The following PCDH17 variants were observed in gnomAD, a reference collection of about 807,000 sequenced individuals.
PCDH17 encodes the protein protocadherin-17.
A neutral mutation model predicts 67.7 loss-of-function variants in PCDH17; 21 were observed. That is an observed-to-expected ratio of 0.31 (90% confidence interval 0.22 to 0.45). The LOEUF is 0.45. PCDH17 is among the 20% of genes least tolerant of loss of function. PCDH17 has a pLI of 1.00. For synonymous variants in PCDH17, 701 were observed against 656.7 expected, an observed-to-expected ratio of 1.07 and a Z score of -1.03; for missense variants, 1,471 against 1,564.8, an observed-to-expected ratio of 0.94 and a Z score of 1.01.
At chr13:57,701,595 A>G (rs867766477) in intron 3 of PCDH17, among the ~76,000 whole-genome samples, 2 of 152,060 alleles carry the variant, frequency 1.3e-5, no homozygotes, top group Non-Finnish European at 2.9e-5. Context: ...TAATGCTTAC[A>G]ATTATTTTTC....
chr13:57,662,653 G>GT (rs1300144892), intron 1 of PCDH17, among the ~76,000 whole-genome samples: 4 of 152,076 alleles, frequency 2.6e-5, no homozygotes, highest in Non-Finnish European at 5.9e-5. Flanking sequence ...TTTCAGACAA[G>GT]TTTTTTAAGA....
intron 3 of PCDH17, among the ~76,000 whole-genome samples, chr13:57,722,424 A>G (rs1243891780): frequency 6.6e-6 from 1 of 152,176 alleles, no homozygotes; most frequent in Non-Finnish European, 1.5e-5. Flanking sequence ...AATAGATTGT[A>G]AAGTTTTCTA....
intron 3 of PCDH17, among the ~76,000 whole-genome samples, chr13:57,719,462 T>A (rs947856176): frequency 6.6e-6 from 1 of 151,882 alleles, no homozygotes; most frequent in Admixed American, 6.6e-5. Flanking sequence ...GAAAAGAAAA[T>A]CAGAGGCAAA....
chr13:57,722,220 T>C (rs1955877347), intron 3 of PCDH17, among the ~76,000 whole-genome samples: 1 of 152,012 alleles, frequency 6.6e-6, no homozygotes, highest in African/African-American at 2.4e-5. Context: ...ACGTCTGCAT[T>C]ATTCTTTCTT....
chr13:57,709,439 G>T (rs1327569608), intron 3 of PCDH17, among the ~76,000 whole-genome samples: 1 of 151,516 alleles, frequency 6.6e-6, no homozygotes, highest in Non-Finnish European at 1.5e-5. Context: ...ACTTTGCACT[G>T]TTTTCATCTC....
chr13:57,632,495 C>T lies in PCDH17; in HGVS notation c.-52C>T. The T allele has an allele frequency of 6.4e-7, 1 of 1,558,408 alleles. No individual in the cohort carries two copies. The highest frequency in any genetic ancestry group is 8.7e-7 in the Non-Finnish European group (1 of 1,150,936). ...AGGGCCCCAGGCTGGCGCGCACTCC[C>T]TCTCTGGCTCCTCCAGTCCGATTGC... On this transcript the variant is annotated 5_prime_UTR_variant, in exon 1 of 4. Coordinates refer to ENST00000377918, the MANE Select transcript of PCDH17 (RefSeq NM_001040429.3).
Position 57,725,333 on chromosome 13 carries a change from C to T in PCDH17, c.*39C>T. ...AAAAGGCATTGGCATTTTCTTGTCT[C>T]TTCTGTTGATTTAAAAATGATCCCT... On this transcript the variant is annotated 3_prime_UTR_variant, in exon 4 of 4. Transcript: ENST00000377918. 1.3e-6 allele frequency: 2 copies of T among 1,534,112 alleles called. No individual in the cohort carries two copies. Among genetic ancestry groups the T allele is most frequent in the East Asian group, 2.3e-5 (1 of 44,354 alleles).
chr13:57,668,874 G>A (rs1037647614), intron 3 of PCDH17, among the ~76,000 whole-genome samples: 1 of 151,848 alleles, frequency 6.6e-6, no homozygotes, highest in African/African-American at 2.4e-5. Flanking sequence ...TAAGTTCTAG[G>A]GTACATGTGC....
chr13:57,717,099 C>G (rs1955824107), intron 3 of PCDH17, among the ~76,000 whole-genome samples: 1 of 151,926 alleles, frequency 6.6e-6, no homozygotes, highest in East Asian at 1.9e-4. Flanking sequence ...TCAGCCAGTT[C>G]TCTTCGGGGT....
At chr13:57,674,954 G>A (rs976820646) in intron 3 of PCDH17, among the ~76,000 whole-genome samples, 2 of 151,810 alleles carry the variant, frequency 1.3e-5, no homozygotes, top group African/African-American at 4.8e-5. Context: ...TCAGGTTAGT[G>A]GCAAAGGCAA....
intron 1 of PCDH17, among the ~76,000 whole-genome samples, chr13:57,652,075 G>T (rs1593902034): frequency 2.0e-5 from 3 of 151,460 alleles, no homozygotes; most frequent in East Asian, 2.0e-4. Context: ...TCAGGAGATC[G>T]AGACCATCCT....
At chr13:57,684,162 C>T (rs949090470) in intron 3 of PCDH17, among the ~76,000 whole-genome samples, 3 of 151,848 alleles carry the variant, frequency 2.0e-5, no homozygotes, top group Admixed American at 6.6e-5. Flanking sequence ...TGTTTCTGCT[C>T]ACACTTTCCT....
At chr13:57,643,981 G>A (rs775741069) in intron 1 of PCDH17, among the ~76,000 whole-genome samples, 14 of 151,742 alleles carry the variant, frequency 9.2e-5, no homozygotes, top group Non-Finnish European at 1.9e-4. Flanking sequence ...CAATACAAAT[G>A]TTTTGGTGCT....
intron 3 of PCDH17, among the ~76,000 whole-genome samples, chr13:57,723,978 A>C (rs939496108): frequency 6.6e-6 from 1 of 152,222 alleles, no homozygotes; most frequent in African/African-American, 2.4e-5. Context: ...AAAACTGATT[A>C]CATGATCCAT....
upstream of PCDH17, among the ~76,000 whole-genome samples, chr13:57,630,812 C>T (rs1331882923): frequency 6.6e-6 from 1 of 152,148 alleles, no homozygotes; most frequent in African/African-American, 2.4e-5. Context: ...AAGGGAGGAC[C>T]ATGAGGCGAG....
chr13:57,724,699 A>G lies in PCDH17; in HGVS notation c.2885A>G (p.Asn962Ser), dbSNP rs189109087. 11 of 1,613,986 alleles carry G rather than the reference A, an allele frequency of 6.8e-6. 1 individual carries two copies. The Admixed American group carries it at 1.0e-4, about 15-fold the overall frequency. Residue 962 changes from asparagine to serine, a missense_variant, in exon 4 of 4, where the codon AAT becomes AGT. Asn to Ser is a conservative substitution (Grantham distance 46). This residue lies in a region of PCDH17 where 297 missense variants were observed against 298.6 expected (regional missense o/e 0.99). Coordinates refer to ENST00000377918, the MANE Select transcript of PCDH17 (RefSeq NM_001040429.3). ...RCWMPQFPAA[N>S]QAENADYRTN... is the part of the protein sequence containing the mutation. ...TGGATGCCACAGTTCCCTGCAGCCA[A>G]TCAGGCTGAAAATGCAGATTACCGC... is the stretch of plus-strand genomic sequence containing the variant.
At chr13:57,706,807 G>A (rs1232848628) in intron 3 of PCDH17, among the ~76,000 whole-genome samples, 2 of 152,046 alleles carry the variant, frequency 1.3e-5, no homozygotes, top group Non-Finnish European at 2.9e-5. Context: ...TAAGTCAGTT[G>A]CTTAATCTTT....
rs753043061 is a variant in PCDH17 at position 57,725,077 on chromosome 13, C to A, written c.3263C>A (p.Pro1088His). The change falls in exon 4 of 4, where the codon CCT (proline) becomes CAT (histidine). Residue 1088 changes from proline to histidine, a missense_variant. Physicochemically the swap from Pro to His is moderately conservative, Grantham distance 77. This residue lies in a region of PCDH17 where 297 missense variants were observed against 298.6 expected (regional missense o/e 0.99). Transcript: ENST00000377918. ...TCACCTAGTAAGCAACCAAGAGACC[C>A]TCCCTTCATGGCTTCCGATCAGATG... ...YLSPSKQPRD[P>H]PFMASDQMAR... 6.2e-7 allele frequency: 1 copy of A among 1,614,024 alleles called. No homozygotes were observed. The highest frequency in any genetic ancestry group is 8.5e-7 in the Non-Finnish European group (1 of 1,180,006).
chr13:57,685,215 C>A (rs1566234946), intron 3 of PCDH17, among the ~76,000 whole-genome samples: 3 of 151,866 alleles, frequency 2.0e-5, no homozygotes, highest in Non-Finnish European at 4.4e-5. Context: ...CTAACTTGGT[C>A]TCTTAGTACT....
Sources: gnomAD v4.1 joint callset for allele counts (sites outside exome capture counted in the v4.1 genomes callset) on GRCh38, gnomAD v4.1.1 for gene constraint, gnomAD v4.1.1 regional missense constraint, MANE v1.5 for transcripts, NCBI Gene and HGNC (gene_info 2026-07-23, HGNC 2026-07-21) for gene names.